The following ENTREP2 variants were observed in gnomAD, a reference collection of about 807,000 sequenced individuals.
ENTREP2 encodes the protein protein ENTREP2.
the ENTREP2 span, among the ~76,000 whole-genome samples, chr15:29,168,217 G>A: frequency 2.0e-5 from 3 of 152,142 alleles, no homozygotes; most frequent in Non-Finnish European, 4.4e-5. Flanking sequence ...ACTACAAATA[G>A]GGTGCAGTGT....
the ENTREP2 span, among the ~76,000 whole-genome samples, chr15:29,554,593 G>A: frequency 7.0e-5 from 10 of 143,062 alleles, no homozygotes; most frequent in Admixed American, 6.2e-4. Context: ...TTGTCTTTAT[G>A]GGATTTAGAT....
chr15:29,477,511 C>G, the ENTREP2 span, among the ~76,000 whole-genome samples: 1 of 152,158 alleles, frequency 6.6e-6, no homozygotes, highest in Non-Finnish European at 1.5e-5. Context: ...GCTTGGAGAA[C>G]TGTGGATACA....
the ENTREP2 span, among the ~76,000 whole-genome samples, chr15:29,434,363 G>A: frequency 3.3e-5 from 5 of 152,134 alleles, no homozygotes; most frequent in Non-Finnish European, 2.9e-5. Context: ...TGTTTCCTTC[G>A]CCTTCCTAAA....
chr15:29,181,034 A>G, the ENTREP2 span, among the ~76,000 whole-genome samples: 1 of 152,164 alleles, frequency 6.6e-6, no homozygotes. Context: ...TTTGAAAAAA[A>G]ACTGACAAAA....
At chr15:29,294,064 T>C in the ENTREP2 span, among the ~76,000 whole-genome samples, 1 of 152,134 alleles carries the variant, frequency 6.6e-6, no homozygotes, top group Non-Finnish European at 1.5e-5. Flanking sequence ...AGCAAGAGCC[T>C]CTGCCCACTA....
chr15:29,568,179 T>A, the ENTREP2 span, among the ~76,000 whole-genome samples: 1 of 152,240 alleles, frequency 6.6e-6, no homozygotes, highest in Non-Finnish European at 1.5e-5. Context: ...GAAAGAACTT[T>A]CAAGGTGCTT....
chr15:29,269,679 G>A, the ENTREP2 span: 1 of 1,554,812 alleles, frequency 6.4e-7, no homozygotes, highest in Non-Finnish European at 8.6e-7. Context: ...CGCCAGAGCG[G>A]CCCCGGTTCC....
chr15:29,638,034 T>C, the ENTREP2 span, among the ~76,000 whole-genome samples: 2 of 152,224 alleles, frequency 1.3e-5, no homozygotes, highest in Admixed American at 1.3e-4. Context: ...CAAGTGTGTC[T>C]GTCACTGCAC....
the ENTREP2 span, among the ~76,000 whole-genome samples, chr15:29,485,907 G>A: frequency 3.3e-3 from 497 of 152,236 alleles, 4 homozygotes; most frequent in African/African-American, 0.012. Context: ...ATACACTGTT[G>A]GTGAGAATGT....
the ENTREP2 span, chr15:29,570,831 T>G: frequency 3.2e-6 from 1 of 308,168 alleles, no homozygotes; most frequent in Non-Finnish European, 4.6e-6. Flanking sequence ...AGGGACGGCC[T>G]CCCAGCCGGC....
At chr15:29,262,028 G>T in the ENTREP2 span, among the ~76,000 whole-genome samples, 1 of 139,022 alleles carries the variant, frequency 7.2e-6, no homozygotes, top group African/African-American at 2.7e-5. Context: ...TACAACAAAA[G>T]TTTCTTGAAA....
At chr15:29,320,683 T>C in the ENTREP2 span, among the ~76,000 whole-genome samples, 1 of 152,084 alleles carries the variant, frequency 6.6e-6, no homozygotes, top group East Asian at 1.9e-4. Context: ...ATGGAACGTC[T>C]GAGAAAAAAT....
At chr15:29,624,462 A>G in the ENTREP2 span, among the ~76,000 whole-genome samples, 22,407 of 152,108 alleles carry the variant, frequency 0.15, 2,120 homozygotes, top group African/African-American at 0.26. Flanking sequence ...GTTTAAAGCA[A>G]TATGTCTCCA....
the ENTREP2 span, among the ~76,000 whole-genome samples, chr15:29,239,521 T>C: frequency 1.3e-5 from 2 of 152,160 alleles, no homozygotes; most frequent in African/African-American, 4.8e-5. Context: ...TAGGTAAATA[T>C]GTGTATCCAG....
chr15:29,653,686 G>T, the ENTREP2 span, among the ~76,000 whole-genome samples: 10 of 152,204 alleles, frequency 6.6e-5, no homozygotes, highest in Non-Finnish European at 1.0e-4. Flanking sequence ...CAGCCATGCT[G>T]AACTGTGAGT....
At chr15:29,143,484 G>C in the ENTREP2 span, among the ~76,000 whole-genome samples, 1 of 152,186 alleles carries the variant, frequency 6.6e-6, no homozygotes, top group African/African-American at 2.4e-5. Context: ...CCTTCCTGTG[G>C]GAGGTCAGGG....
the ENTREP2 span, among the ~76,000 whole-genome samples, chr15:29,655,746 C>A: frequency 2.0e-5 from 3 of 152,090 alleles, no homozygotes. Flanking sequence ...AAAAAACAAA[C>A]CGGGCACAGT....
the ENTREP2 span, among the ~76,000 whole-genome samples, chr15:29,164,415 C>T: frequency 6.6e-5 from 10 of 152,142 alleles, no homozygotes; most frequent in Non-Finnish European, 1.5e-4. Flanking sequence ...AAGAACTCGC[C>T]AACCAACTAT....
At chr15:29,595,674 T>C in the ENTREP2 span, among the ~76,000 whole-genome samples, 1 of 152,190 alleles carries the variant, frequency 6.6e-6, no homozygotes, top group Non-Finnish European at 1.5e-5. Flanking sequence ...TTCTTCACTG[T>C]GTCTTTACTT....
Sources: allele counts gnomAD v4.1 joint callset (sites outside exome capture counted in the v4.1 genomes callset), GRCh38; gene constraint gnomAD v4.1.1; transcripts MANE v1.5; gene names NCBI Gene and HGNC (gene_info 2026-07-23, HGNC 2026-07-21).